CFAP20DC: variants seen among roughly 807,000 people sequenced by gnomAD.
CFAP20DC encodes protein CFAP20DC.
CFAP20DC carries 84 observed loss-of-function variants against 101.7 expected under a neutral mutation model. The observed-to-expected ratio is 0.83, with a 90% CI of 0.69 to 0.99. CFAP20DC has a LOEUF of 0.99. Ranked by LOEUF, CFAP20DC falls within the 50% of genes least tolerant of loss-of-function variation. CFAP20DC has a pLI of 0.00. For missense variants in CFAP20DC, 1,007 were observed against 970.3 expected, an observed-to-expected ratio of 1.04 and a Z score of -0.50; for synonymous variants, 359 against 351.2, an observed-to-expected ratio of 1.02 and a Z score of -0.25.
chr3:58,922,707 C>A (rs534174964), intron 5 of CFAP20DC, among the ~76,000 whole-genome samples: 1 of 152,270 alleles, frequency 6.6e-6, no homozygotes, highest in African/African-American at 2.4e-5. Flanking sequence ...GCCTGAAGAA[C>A]CATAAGCCAA....
intron 16 of CFAP20DC, among the ~76,000 whole-genome samples, chr3:58,753,076 G>A (rs746985798): frequency 3.3e-5 from 5 of 151,974 alleles, no homozygotes; most frequent in Admixed American, 6.6e-5. Context: ...CCTCTACCAC[G>A]CACACCTGAC....
chr3:58,739,138 A>G (rs1457122069), downstream of CFAP20DC, among the ~76,000 whole-genome samples: 1 of 152,208 alleles, frequency 6.6e-6, no homozygotes, highest in Non-Finnish European at 1.5e-5. Flanking sequence ...ATATATCAGT[A>G]TTTTCCTTTA....
rs2067527725 is a variant in CFAP20DC, at chr3:58,724,878, A to C, written c.198-7250T>G. 6.6e-6 allele frequency among the ~76,000 whole-genome samples: 1 copy of C among 152,152 alleles called. No individual in the cohort carries two copies. The highest frequency in any genetic ancestry group is 1.5e-5 in the Non-Finnish European group (1 of 68,012). On this transcript the variant is annotated intron_variant, in intron 3 of 3. Transcript: ENST00000486145. The surrounding 1 kb of genome is among the most constrained non-coding windows in gnomAD (Gnocchi z 5.6). ...GATCTGGAAGTCAGCCCCAGGAAGC[A>C]GCCAACAAACAGATTAGTGGAGCAT...
chr3:58,796,022 T>G (rs1157885197), intron 15 of CFAP20DC, among the ~76,000 whole-genome samples: 1 of 152,100 alleles, frequency 6.6e-6, no homozygotes, highest in African/African-American at 2.4e-5. Context: ...AAATAAATCT[T>G]GGGCAGGTGG....
intron 13 of CFAP20DC, among the ~76,000 whole-genome samples, chr3:58,841,949 GT>G (rs2077147638): frequency 6.6e-6 from 1 of 152,182 alleles, no homozygotes; most frequent in Non-Finnish European, 1.5e-5. Flanking sequence ...CTTGAATACA[GT>G]TATACGTGCG....
In CFAP20DC at chr3:58,874,445, A is replaced by C. The variant is rs1158913090; in HGVS notation, c.716-4136T>G. On this transcript the variant is annotated intron_variant, in intron 7 of 16. Transcript: ENST00000482387. The surrounding 1 kb of genome is among the most constrained non-coding windows in gnomAD (Gnocchi z 5.1). Reference sequence around the variant, plus strand: ...TCCTTTCCTTCACTTAAAGTTCTTCAGTGGCTTCTCTGCTGCTCTCAGGAG... The same window carrying C: ...TCCTTTCCTTCACTTAAAGTTCTTCCGTGGCTTCTCTGCTGCTCTCAGGAG... 6.6e-6 allele frequency among the ~76,000 whole-genome samples: 1 copy of C among 152,268 alleles called. No individual in the cohort carries two copies. The highest frequency in any genetic ancestry group is 1.9e-4 in the East Asian group (1 of 5,174).
intron 15 of CFAP20DC, among the ~76,000 whole-genome samples, chr3:58,767,238 C>G (rs1458273562): frequency 6.6e-6 from 1 of 152,208 alleles, no homozygotes; most frequent in African/African-American, 2.4e-5. Context: ...CTTCTTTCAT[C>G]TTGCTCTTTC....
chr3:58,963,509 T>A (rs17059992), intron 4 of CFAP20DC, among the ~76,000 whole-genome samples: 3,340 of 152,198 alleles, frequency 0.022, 111 homozygotes, highest in African/African-American at 0.075. Flanking sequence ...CAAGGATGAA[T>A]GTGGCCCTAC....
chr3:58,751,590 T>C (rs2068578575), intron 16 of CFAP20DC, among the ~76,000 whole-genome samples: 1 of 152,206 alleles, frequency 6.6e-6, no homozygotes, highest in Non-Finnish European at 1.5e-5. Flanking sequence ...TTGAGATATT[T>C]TAATTAATGC....
intron 4 of CFAP20DC, among the ~76,000 whole-genome samples, chr3:58,958,020 G>C (rs2090796755): frequency 6.6e-6 from 1 of 152,114 alleles, no homozygotes; most frequent in South Asian, 2.1e-4. Flanking sequence ...TAAAACAAAA[G>C]ATAATGCTTG....
At chr3:58,886,844 TA>T (rs1315629273) in intron 6 of CFAP20DC, among the ~76,000 whole-genome samples, 1 of 152,224 alleles carries the variant, frequency 6.6e-6, no homozygotes, top group Non-Finnish European at 1.5e-5. Context: ...ATAATTTCTA[TA>T]TATGTTTGAT....
At chr3:58,763,813 T>A (rs1004662292) in intron 15 of CFAP20DC, among the ~76,000 whole-genome samples, 1 of 152,220 alleles carries the variant, frequency 6.6e-6, no homozygotes, top group Admixed American at 6.5e-5. Flanking sequence ...CTCCAGACCC[T>A]GTTTGCCTGG....
intron 15 of CFAP20DC, among the ~76,000 whole-genome samples, chr3:58,757,963 A>C (rs1167802390): frequency 6.6e-6 from 1 of 152,140 alleles, no homozygotes; most frequent in Non-Finnish European, 1.5e-5. Context: ...ATCAACCAGG[A>C]CTTTTCTTGC....
chr3:58,960,780 CTT>C (rs1475844075), intron 4 of CFAP20DC, among the ~76,000 whole-genome samples: 2 of 151,962 alleles, frequency 1.3e-5, no homozygotes, highest in South Asian at 2.1e-4. Context: ...TTTTTCTTGT[CTT>C]ATTTCATTAT....
chr3:58,895,788 T>A (rs2082621389), intron 6 of CFAP20DC, among the ~76,000 whole-genome samples: 1 of 152,158 alleles, frequency 6.6e-6, no homozygotes, highest in African/African-American at 2.4e-5. Flanking sequence ...GAACTCACAG[T>A]TCTACATGGC....
chr3:58,764,599 G>A (rs888442689), intron 15 of CFAP20DC, among the ~76,000 whole-genome samples: 9 of 152,110 alleles, frequency 5.9e-5, no homozygotes, highest in African/African-American at 9.7e-5. Flanking sequence ...GAAATCACCC[G>A]TCTTCTGCAT....
At chr3:58,819,077 T>C (rs1315091226) in intron 14 of CFAP20DC, among the ~76,000 whole-genome samples, 1 of 149,538 alleles carries the variant, frequency 6.7e-6, no homozygotes, top group African/African-American at 2.5e-5. Context: ...GAAATAAAGA[T>C]GTTCTTTGAA....
intron 4 of CFAP20DC, among the ~76,000 whole-genome samples, chr3:59,031,670 A>C (rs772476830): frequency 2.2e-4 from 34 of 152,318 alleles, no homozygotes; most frequent in Admixed American, 1.1e-3. Context: ...AAACGTATAA[A>C]TTGTTCTATC....
chr3:58,926,683 T>C (rs2068158), intron 5 of CFAP20DC, among the ~76,000 whole-genome samples: 2,735 of 152,290 alleles, frequency 0.018, 70 homozygotes, highest in African/African-American at 0.061. Context: ...TTTAAAAACA[T>C]TATACCAGAC....
Sources: gnomAD v4.1 joint callset for allele counts (sites outside exome capture counted in the v4.1 genomes callset) on GRCh38, gnomAD v4.1.1 for gene constraint, Gnocchi (gnomAD v3.1) non-coding constraint, MANE v1.5 for transcripts, NCBI Gene and HGNC (gene_info 2026-07-23, HGNC 2026-07-21) for gene names.